The following NEK1 variants were observed in gnomAD, a reference collection of about 807,000 sequenced individuals.
The protein encoded by NEK1 is NIMA related kinase 1, also known as serine/threonine-protein kinase Nek1.
A neutral mutation model predicts 182.1 loss-of-function variants in NEK1; 137 were observed. The observed-to-expected ratio is 0.75, with a 90% CI of 0.65 to 0.87. The LOEUF (loss-of-function observed/expected upper bound fraction) is 0.87. Among genes scored for constraint, NEK1 ranks in the 40% least tolerant of loss-of-function variants. The pLI is 0.00. For synonymous variants in NEK1, 513 were observed against 492.2 expected (o/e 1.04, Z -0.56); for missense variants, 1,391 against 1,494.4 (o/e 0.93, Z 1.14).
chr4:169,590,743 G>C lies in NEK1; in HGVS notation c.379C>G (p.Arg127Gly), dbSNP rs387906890. The change falls in exon 6 of 36, where the codon CGA becomes GGA. Residue 127 changes from arginine to glycine, a missense_variant. By Grantham distance (125) the Arg-to-Gly change is moderately radical. Around this residue, in one of 5 missense-constraint regions of NEK1, gnomAD observed 116 missense variants for 114.5 expected, o/e 1.01. Coordinates refer to ENST00000507142, the MANE Select transcript of NEK1 (RefSeq NM_001199397.3). The part of the protein sequence containing the change: ...KHVHDRKILH[R>G]DIKSQNIFLT... ...TAACATACCTGAGATTTAATGTCTC[G>C]ATGAAGAATTTTTCTATCATGTACA... 6.3e-7 allele frequency: 1 copy of C among 1,592,530 alleles called. No individual in the cohort carries two copies. Among genetic ancestry groups the C allele is most frequent in the East Asian group, 2.3e-5 (1 of 44,430 alleles).
intron 10 of NEK1, among the ~76,000 whole-genome samples, chr4:169,582,190 G>A (rs1766762823): frequency 6.6e-6 from 1 of 151,828 alleles, no homozygotes; most frequent in African/African-American, 2.4e-5. Context: ...GATTCTTGGT[G>A]AGAGAATCTT....
chr4:169,468,195 A>G (rs1177315103), intron 26 of NEK1, among the ~76,000 whole-genome samples: 1 of 152,160 alleles, frequency 6.6e-6, no homozygotes, highest in Non-Finnish European at 1.5e-5. Context: ...AATAATCATT[A>G]TGCTTGAGTG....
chr4:169,555,330 C>A (rs779389763), intron 18 of NEK1: 1 of 219,498 alleles, frequency 4.6e-6, no homozygotes, highest in South Asian at 6.6e-5. Flanking sequence ...GAAAAGTAGG[C>A]TTTGAAGTGA....
intron 31 of NEK1, among the ~76,000 whole-genome samples, chr4:169,413,196 C>A (rs952303549): frequency 6.7e-6 from 1 of 148,954 alleles, no homozygotes; most frequent in Non-Finnish European, 1.5e-5. Flanking sequence ...GAGACAGGGT[C>A]ACGCTCTGTC....
In NEK1 at chr4:169,477,175, C is replaced by A. The variant is rs966970122; in HGVS notation, c.2383G>T (p.Val795Leu). The A allele has an allele frequency of 6.2e-7, 1 of 1,608,572 alleles. No individual in the cohort carries two copies. Among genetic ancestry groups the A allele is most frequent in the Admixed American group, 1.7e-5 (1 of 59,370 alleles). The part of the protein sequence containing the change: ...RKKWEAGGQL[V>L]IPLDELTLDT... ...AGTGTTAACTCATCCAGAGGAATCA[C>A]AAGTTGACCTCCTGCCTCCCACTTC... The change falls in exon 26 of 36, where the codon GTG becomes TTG. Residue 795 changes from valine to leucine, a missense_variant. Transcript: ENST00000507142.
intron 10 of NEK1, among the ~76,000 whole-genome samples, chr4:169,582,525 GTTCTC>G (rs745677065): frequency 3.9e-5 from 6 of 152,166 alleles, no homozygotes; most frequent in Admixed American, 1.3e-4. Context: ...GTGAACGTGT[GTTCTC>G]TTCTCAACAA....
Position 169,401,697 on chromosome 4 carries a change from C to T in NEK1, c.3538G>A (p.Asp1180Asn). The T allele has an allele frequency of 6.2e-7, 1 of 1,613,936 alleles. No homozygotes were observed. Among genetic ancestry groups the T allele is most frequent in the Non-Finnish European group, 8.5e-7 (1 of 1,179,822 alleles). ...ANGTDVADED[D>N]NPSSESALNE... ...AGGGCACTTTCACTGCTGGGATTGT[C>T]ATCTTCATCTGCCACATCTGTCCCA... The change falls in exon 33 of 36, where the codon GAC (aspartate) becomes AAC (asparagine). Residue 1180 changes from aspartate to asparagine, a missense_variant. By Grantham distance (23) the Asp-to-Asn change is conservative. This residue lies in a region of NEK1 where 1,216 missense variants were observed against 1,277.6 expected (regional missense o/e 0.95). Coordinates refer to ENST00000507142, the MANE Select transcript of NEK1 (RefSeq NM_001199397.3).
intron 26 of NEK1, among the ~76,000 whole-genome samples, chr4:169,473,161 G>A (rs974473152): frequency 2.0e-5 from 3 of 151,520 alleles, no homozygotes; most frequent in African/African-American, 7.3e-5. Context: ...AGCTACTCTG[G>A]AGGCTGAGGC....
At chr4:169,530,386 T>TA (rs1334311588) in intron 19 of NEK1, among the ~76,000 whole-genome samples, 1 of 152,194 alleles carries the variant, frequency 6.6e-6, no homozygotes, top group Non-Finnish European at 1.5e-5. Context: ...TAAGTACCCA[T>TA]ACAACCATTC....
chr4:169,509,077 A>C (rs1420660569), intron 19 of NEK1, among the ~76,000 whole-genome samples: 1 of 152,144 alleles, frequency 6.6e-6, no homozygotes, highest in African/African-American at 2.4e-5. Context: ...TTCAAAACAG[A>C]GACCAGCTAT....
At position 169,403,178 on chromosome 4, in the gene NEK1, A is replaced by T. The variant is rs145779999; in HGVS notation, c.3375-1318T>A. On this transcript the variant is annotated intron_variant, in intron 32 of 35. Coordinates refer to ENST00000507142, the MANE Select transcript of NEK1 (RefSeq NM_001199397.3). ...AAACGCCTACAATTTGACTTGTAGG[A>T]GCTATAGAAAAGCAAAGCATCTAAT... is the stretch of plus-strand genomic sequence containing the variant. Among the ~76,000 whole-genome samples, 450 of 152,322 alleles carry T rather than the reference A, an allele frequency of 3.0e-3. 1 individual carries two copies. The highest frequency in any genetic ancestry group is 0.01 in the African/African-American group (419 of 41,590).
chr4:169,508,152 G>T, intron 21 of NEK1, 96 bp downstream of exon 21: 1 of 1,034,066 alleles, frequency 9.7e-7, no homozygotes, highest in Non-Finnish European at 1.4e-6. Flanking sequence ...CATCAGTTTT[G>T]TTGTTGTTGT....
chr4:169,544,599 GTTTTTTTTT>G (rs139478702), intron 18 of NEK1, among the ~76,000 whole-genome samples: 6 of 66,304 alleles, frequency 9.0e-5, no homozygotes, highest in South Asian at 7.3e-4. Context: ...TCTGGTCATG[GTTTTTTTTT>G]TTTTTTTTTT....
At chr4:169,470,023 T>C (rs1005258633) in intron 26 of NEK1, among the ~76,000 whole-genome samples, 6 of 151,814 alleles carry the variant, frequency 4.0e-5, no homozygotes, top group Admixed American at 2.6e-4. Context: ...ATGTGTGTCC[T>C]TGAATATGAA....
intron 32 of NEK1, among the ~76,000 whole-genome samples, chr4:169,405,288 T>A (rs1162149508): frequency 6.6e-6 from 1 of 152,182 alleles, no homozygotes; most frequent in Non-Finnish European, 1.5e-5. Flanking sequence ...ATGACTGTAC[T>A]CAGTACTGGA....
chr4:169,531,079 A>T (rs1341718739), intron 19 of NEK1, among the ~76,000 whole-genome samples: 1 of 151,822 alleles, frequency 6.6e-6, no homozygotes, highest in Non-Finnish European at 1.5e-5. Flanking sequence ...TTGGCATTTA[A>T]AGACTGAGAA....
At chr4:169,512,882 T>G (rs943191387) in intron 19 of NEK1, among the ~76,000 whole-genome samples, 7 of 152,142 alleles carry the variant, frequency 4.6e-5, no homozygotes, top group African/African-American at 1.7e-4. Flanking sequence ...TTTTATGTGT[T>G]TGTCAAGAAT....
At chr4:169,463,529 G>T (rs1744365970) in intron 26 of NEK1, 134 bp from the exon 27 acceptor site, 6 of 469,674 alleles carry the variant, frequency 1.3e-5, no homozygotes, top group Non-Finnish European at 1.8e-5. Context: ...GACTTTCAGG[G>T]AAAGAATGAT....
chr4:169,485,226 GAACCT>G (rs1321176777), intron 23 of NEK1, among the ~76,000 whole-genome samples: 3 of 152,090 alleles, frequency 2.0e-5, no homozygotes, highest in African/African-American at 7.2e-5. Context: ...CAGATTAGAA[GAACCT>G]AAACAGACAA....
Sources: allele counts gnomAD v4.1 joint callset (sites outside exome capture counted in the v4.1 genomes callset), GRCh38; gene constraint gnomAD v4.1.1; regional missense constraint gnomAD v4.1.1; transcripts MANE v1.5; gene names NCBI Gene and HGNC (gene_info 2026-07-23, HGNC 2026-07-21).